BRINP3: variants seen among roughly 807,000 people sequenced by gnomAD.
BRINP3 encodes the protein BMP/retinoic acid-inducible neural-specific protein 3.
BRINP3 carries 19 observed loss-of-function variants against 71.0 expected under a neutral mutation model. The observed-to-expected ratio is 0.27, with a 90% CI of 0.19 to 0.39. The LOEUF (loss-of-function observed/expected upper bound fraction) is 0.39, where lower values mean the gene tolerates loss of function less well. BRINP3 is among the 10% of genes least tolerant of loss of function. The pLI, the probability that BRINP3 is intolerant of heterozygous loss-of-function variation, is 1.00. For synonymous variants in BRINP3, 380 were observed against 337.7 expected, an observed-to-expected ratio of 1.13 and a Z score of -1.37; for missense variants, 959 against 940.8, an observed-to-expected ratio of 1.02 and a Z score of -0.25.
intron 2 of BRINP3, among the ~76,000 whole-genome samples, chr1:190,396,026 A>G (rs1411245158): frequency 1.3e-5 from 2 of 151,820 alleles, no homozygotes; most frequent in African/African-American, 4.8e-5. Context: ...AAAGGAAAGG[A>G]TTTTTGTTGT....
chr1:190,133,368 A>G (rs1654702036), intron 7 of BRINP3, among the ~76,000 whole-genome samples: 1 of 152,118 alleles, frequency 6.6e-6, no homozygotes. Context: ...GAAAATAAAT[A>G]TATGCATTAT....
intron 2 of BRINP3, among the ~76,000 whole-genome samples, chr1:190,402,749 T>C (rs191747863): frequency 6.6e-6 from 1 of 152,220 alleles, no homozygotes; most frequent in Non-Finnish European, 1.5e-5. Context: ...ATCTATTTAT[T>C]TGAGACAGGT....
chr1:190,411,894 T>A (rs746117734), intron 2 of BRINP3, among the ~76,000 whole-genome samples: 3 of 152,158 alleles, frequency 2.0e-5, no homozygotes, highest in Admixed American at 6.5e-5. Context: ...AGTCAATTTG[T>A]TCACAGAAGG....
chr1:190,372,628 T>C (rs921651117), intron 2 of BRINP3, among the ~76,000 whole-genome samples: 1 of 152,184 alleles, frequency 6.6e-6, no homozygotes, highest in Non-Finnish European at 1.5e-5. Flanking sequence ...ATACCCTAGG[T>C]GTGCAGAAAA....
At chr1:190,269,272 A>G (rs1026758832) in intron 3 of BRINP3, among the ~76,000 whole-genome samples, 2 of 152,166 alleles carry the variant, frequency 1.3e-5, no homozygotes, top group Non-Finnish European at 2.9e-5. Context: ...TGATTCTATC[A>G]AAGGATAAAC....
intron 4 of BRINP3, among the ~76,000 whole-genome samples, chr1:190,246,858 G>T (rs184125262): frequency 6.6e-6 from 1 of 151,962 alleles, no homozygotes. Context: ...TCTATTATCA[G>T]TGAAGAAACC....
chr1:190,455,685 G>A (rs1675937064), intron 1 of BRINP3, among the ~76,000 whole-genome samples: 1 of 151,874 alleles, frequency 6.6e-6, no homozygotes, highest in Admixed American at 6.6e-5. Flanking sequence ...TATTTCTAGG[G>A]TCTTTAAAGA....
At chr1:190,388,873 G>A (rs1671073706) in intron 2 of BRINP3, among the ~76,000 whole-genome samples, 1 of 151,736 alleles carries the variant, frequency 6.6e-6, no homozygotes, top group Non-Finnish European at 1.5e-5. Flanking sequence ...TTATGAAGAT[G>A]TAAATACAGA....
intron 7 of BRINP3, among the ~76,000 whole-genome samples, chr1:190,159,984 T>C (rs1465125789): frequency 6.6e-6 from 1 of 152,054 alleles, no homozygotes; most frequent in East Asian, 1.9e-4. Flanking sequence ...ATGTAAGATA[T>C]ACTGATACAA....
intron 4 of BRINP3, among the ~76,000 whole-genome samples, chr1:190,254,615 AT>A (rs2102830483): frequency 6.6e-6 from 1 of 152,256 alleles, no homozygotes; most frequent in African/African-American, 2.4e-5. Flanking sequence ...ATTTTTGCAC[AT>A]TGATTTTGTA....
At chr1:190,476,580 T>C (rs1029623172) in intron 1 of BRINP3, among the ~76,000 whole-genome samples, 3 of 152,182 alleles carry the variant, frequency 2.0e-5, no homozygotes, top group Non-Finnish European at 1.5e-5. Context: ...GCACTGACCA[T>C]ATTAACATGC....
At chr1:190,334,509 C>T (rs1300508813) in intron 2 of BRINP3, among the ~76,000 whole-genome samples, 1 of 151,530 alleles carries the variant, frequency 6.6e-6, no homozygotes, top group Non-Finnish European at 1.5e-5. Context: ...GGGTGTATTT[C>T]CCCTTATTTG....
At chr1:190,357,338 A>G (rs1668799724) in intron 2 of BRINP3, among the ~76,000 whole-genome samples, 1 of 152,020 alleles carries the variant, frequency 6.6e-6, no homozygotes, top group Non-Finnish European at 1.5e-5. Context: ...TGAATTTTAA[A>G]AACAATTTCC....
At chr1:190,415,488 TAAAC>T (rs1308083467) in intron 2 of BRINP3, among the ~76,000 whole-genome samples, 3 of 152,176 alleles carry the variant, frequency 2.0e-5, no homozygotes, top group Admixed American at 6.5e-5. Flanking sequence ...AAATAAATAT[TAAAC>T]AAACACATCA....
At chr1:190,448,452 A>G (rs542221335) in intron 2 of BRINP3, among the ~76,000 whole-genome samples, 11 of 133,284 alleles carry the variant, frequency 8.3e-5, no homozygotes, top group Non-Finnish European at 1.8e-4. Flanking sequence ...TAACACCCCT[A>G]CACTTGGGGT....
intron 2 of BRINP3, among the ~76,000 whole-genome samples, chr1:190,323,471 GT>G (rs958342061): frequency 3.4e-4 from 51 of 151,702 alleles, no homozygotes; most frequent in African/African-American, 1.2e-3. Context: ...TTTAACGATT[GT>G]AATTCTTCTC....
intron 6 of BRINP3, among the ~76,000 whole-genome samples, chr1:190,192,613 A>G (rs1654137635): frequency 6.6e-6 from 1 of 152,080 alleles, no homozygotes; most frequent in Non-Finnish European, 1.5e-5. Flanking sequence ...AGTAAAGATA[A>G]CTATTACCTA....
At chr1:190,206,268 C>T (rs1258253870) in intron 6 of BRINP3, among the ~76,000 whole-genome samples, 3 of 151,844 alleles carry the variant, frequency 2.0e-5, no homozygotes, top group Non-Finnish European at 4.4e-5. Context: ...TCTTGAGATT[C>T]CAAGGAAATG....
In BRINP3 at chr1:190,457,129, G is replaced by T. The variant is rs148398438; in HGVS notation, c.-50-2189C>A. On this transcript the variant is annotated intron_variant, in intron 1 of 7. Coordinates refer to ENST00000367462, the MANE Select transcript of BRINP3 (RefSeq NM_199051.3). ...AGTGGTTAAAAAAATGGACTCTAGA[G>T]CCAAACCGCTGATGTTAAAATTCTA... is the stretch of plus-strand genomic sequence containing the variant. Among the ~76,000 whole-genome samples the T allele has an allele frequency of 4.0e-3, 614 of 152,144 alleles. 7 individuals are homozygous for T. Among genetic ancestry groups the T allele is most frequent in the African/African-American group, 0.014 (586 of 41,512 alleles).
Sources: allele counts gnomAD v4.1 joint callset (sites outside exome capture counted in the v4.1 genomes callset), GRCh38; gene constraint gnomAD v4.1.1; transcripts MANE v1.5; gene names NCBI Gene and HGNC (gene_info 2026-07-23, HGNC 2026-07-21).